Variants in ARID1B observed in about 807,000 individuals in gnomAD.
The protein encoded by ARID1B is AT-rich interaction domain 1B.
In ARID1B, 30 loss-of-function variants were observed where a neutral mutation model predicts 212.3. The observed-to-expected ratio is 0.14, with a 90% confidence interval of 0.11 to 0.19. The LOEUF is 0.19. Ranked by LOEUF, ARID1B falls within the 10% of genes least tolerant of loss-of-function variation. The pLI is 1.00. For missense variants in ARID1B, 2,891 were observed against 3,204.0 expected (o/e 0.90, Z 2.36); for synonymous variants, 1,402 against 1,301.7 (o/e 1.08, Z -1.66).
At chr6:157,085,429 A>C (rs1354315387) in intron 5 of ARID1B, among the ~76,000 whole-genome samples, 1 of 152,192 alleles carries the variant, frequency 6.6e-6, no homozygotes, top group Non-Finnish European at 1.5e-5. Context: ...TCTTGGACAC[A>C]AGGAGCCCAT....
rs1185500375 is a variant in ARID1B at position 157,094,272 on chromosome 6, C to T, written c.2491+9367C>T. Among the ~76,000 whole-genome samples, 4 of 152,084 alleles carry T rather than the reference C, an allele frequency of 2.6e-5. No homozygotes were observed. The highest frequency in any genetic ancestry group is 2.1e-4 in the South Asian group (1 of 4,818). ...CAGTGTAGCCACAGCATAGTGGTCA[C>T]GGGCAATGGAGCAGAATGTGTGGGC... On this transcript the variant is annotated intron_variant, in intron 5 of 19. Transcript: ENST00000636930. The surrounding 1 kb of genome is among the most constrained non-coding windows in gnomAD (Gnocchi z 4.3).
chr6:157,085,363 A>G (rs1354267400), intron 5 of ARID1B, among the ~76,000 whole-genome samples: 1 of 152,174 alleles, frequency 6.6e-6, no homozygotes, highest in Non-Finnish European at 1.5e-5. Context: ...ACATGCAGGC[A>G]CTGGTCAAGG....
chr6:156,783,986 A>G (rs1354992829), intron 1 of ARID1B, among the ~76,000 whole-genome samples: 1 of 152,172 alleles, frequency 6.6e-6, no homozygotes. Flanking sequence ...GCATAAAATG[A>G]CAGATTTATG....
rs150702940 is a variant in ARID1B, at chr6:156,837,632, A to G, written c.1986+8211A>G. Among the ~76,000 whole-genome samples, 1,154 of 152,336 alleles carry G rather than the reference A, an allele frequency of 7.6e-3. 16 individuals carry two copies. The highest frequency in any genetic ancestry group is 0.026 in the African/African-American group (1,075 of 41,588). ...TACATGTAATAAATTTATTAAAGCT[A>G]TTTGCCCTTATTATAATTTTGAAAA... On this transcript the variant is annotated intron_variant, in intron 2 of 19. Coordinates refer to ENST00000636930, the MANE Select transcript of ARID1B (RefSeq NM_001374828.1).
intron 2 of ARID1B, among the ~76,000 whole-genome samples, chr6:156,845,809 G>C (rs930614123): frequency 6.6e-6 from 1 of 151,926 alleles, no homozygotes; most frequent in East Asian, 1.9e-4. Flanking sequence ...TATTTCATTT[G>C]TTCTTACTAT....
intron 5 of ARID1B, among the ~76,000 whole-genome samples, chr6:157,099,505 C>CG (rs1188047033): frequency 1.3e-5 from 2 of 151,968 alleles, no homozygotes; most frequent in Admixed American, 6.6e-5. Context: ...AGGACCCATG[C>CG]GAAAAACATT....
At chr6:157,020,022 GATAA>G (rs1414759388) in intron 4 of ARID1B, among the ~76,000 whole-genome samples, 1 of 152,004 alleles carries the variant, frequency 6.6e-6, no homozygotes, top group Admixed American at 6.5e-5. Flanking sequence ...TTTTAGCAAA[GATAA>G]ATAAAAAGTG....
At chr6:156,849,833 G>T (rs1272445663) in intron 2 of ARID1B, among the ~76,000 whole-genome samples, 1 of 151,990 alleles carries the variant, frequency 6.6e-6, no homozygotes, top group Non-Finnish European at 1.5e-5. Flanking sequence ...CGTGTCATTG[G>T]CCCTGACACT....
chr6:157,089,660 G>A (rs1785158933), intron 5 of ARID1B, among the ~76,000 whole-genome samples: 1 of 152,112 alleles, frequency 6.6e-6, no homozygotes, highest in African/African-American at 2.4e-5. Flanking sequence ...TCTCCCTCCA[G>A]TGCCATCACA....
chr6:157,207,901 G>C lies in ARID1B; in HGVS notation c.*10G>C. 6.8e-7 allele frequency: 1 copy of C among 1,478,980 alleles called. No homozygotes were observed. The highest frequency in any genetic ancestry group is 9.0e-7 in the Non-Finnish European group (1 of 1,111,494). 91.6% of individuals were successfully genotyped at this position (1,478,980 alleles called of 1,614,324 possible). On this transcript the variant is annotated 3_prime_UTR_variant, in exon 20 of 20. Transcript: ENST00000636930. This position sits in a 1 kb window ranked among gnomAD's most constrained non-coding sequence, Gnocchi z 8.5. Reference sequence around the variant, plus strand: ...GATTGGGCAGTTATGACATAAGTGAGAAGGCAAGCATGTGTGAGTGAAGAT... The same window carrying C: ...GATTGGGCAGTTATGACATAAGTGACAAGGCAAGCATGTGTGAGTGAAGAT...
At chr6:156,980,506 A>AAAC (rs1201937435) in intron 4 of ARID1B, among the ~76,000 whole-genome samples, 12 of 151,992 alleles carry the variant, frequency 7.9e-5, no homozygotes, top group Non-Finnish European at 1.6e-4. Context: ...AAACAAAACA[A>AAAC]AATAAGAATC....
intron 2 of ARID1B, among the ~76,000 whole-genome samples, chr6:156,867,004 C>T (rs768778231): frequency 6.6e-4 from 100 of 152,172 alleles, no homozygotes; most frequent in Non-Finnish European, 6.6e-4. Context: ...TGAATAGCTC[C>T]CTTTAACATG....
intron 4 of ARID1B, among the ~76,000 whole-genome samples, chr6:157,043,420 C>T (rs1260818266): frequency 6.6e-6 from 1 of 152,178 alleles, no homozygotes; most frequent in Non-Finnish European, 1.5e-5. Flanking sequence ...TTTGGAATTT[C>T]TCATCTGCCA....
rs138271876 is a variant in ARID1B at position 156,919,395 on chromosome 6, T to G, written c.2137-16071T>G. Among the ~76,000 whole-genome samples, 65 of 152,306 alleles carry G rather than the reference T, an allele frequency of 4.3e-4. 1 individual carries two copies. The East Asian group carries it at 0.012, about 28-fold the overall frequency. ...ACATATATTTTAAGTTTTTTTTTTC[T>G]TTCTAGTACCAGAATTAAAACCAGG... On this transcript the variant is annotated intron_variant, in intron 3 of 19. Coordinates refer to ENST00000636930, the MANE Select transcript of ARID1B (RefSeq NM_001374828.1).
chr6:157,070,380 A>T (rs913679817), intron 4 of ARID1B, among the ~76,000 whole-genome samples: 1 of 152,226 alleles, frequency 6.6e-6, no homozygotes, highest in Non-Finnish European at 1.5e-5. Flanking sequence ...AAATATCAAC[A>T]TCTCTTCCTA....
rs1794641471 is a variant in ARID1B at position 157,208,847 on chromosome 6, AAAAG to A, written c.*964_*967del. ...TTTTCATTAGGGCCATATCTCCAAA[AAAAG>A]AAAGAAAAAATACAAAAAACAAAAA... is the stretch of plus-strand genomic sequence containing the variant. On this transcript the variant is annotated 3_prime_UTR_variant, in exon 20 of 20. Coordinates refer to ENST00000636930, the MANE Select transcript of ARID1B (RefSeq NM_001374828.1). 2 of 224,210 alleles carry A rather than the reference AAAAG, an allele frequency of 8.9e-6. No individual in the cohort carries two copies. The highest frequency in any genetic ancestry group is 1.8e-5 in the Non-Finnish European group (2 of 113,276). The allele number at this position is 224,210 out of a possible 1,614,324, so 13.9% of individuals were successfully genotyped here. A position where few individuals can be genotyped will look rare whatever the true frequency, so the allele number is the denominator to read the frequency against.
chr6:156,778,894 G>T lies in ARID1B; in HGVS notation c.1214G>T (p.Gly405Val). Residue 405 changes from glycine (G) to valine (V), a missense_variant, in exon 1 of 20, where the codon GGA (glycine) becomes GTA (valine). By Grantham distance (109) the Gly-to-Val change is moderately radical (BLOSUM62 -3). Around this residue, in one of 7 missense-constraint regions of ARID1B, gnomAD observed 1,643 missense variants for 1,544.0 expected, o/e 1.06. Coordinates refer to ENST00000636930, the MANE Select transcript of ARID1B (RefSeq NM_001374828.1). ...GGGGGGGGSG[G>V]GGGGGGAGAG... ...GGCGGAGGAGGAGGAGGCAGCGGAG[G>T]AGGAGGAGGAGGAGGAGGAGCAGGA... 7.4e-7 allele frequency: 1 copy of T among 1,357,402 alleles called. No individual in the cohort carries two copies. The highest frequency in any genetic ancestry group is 3.7e-5 in the Admixed American group (1 of 27,014). 84.1% of individuals were successfully genotyped at this position (1,357,402 alleles called of 1,614,324 possible).
chr6:157,044,965 C>T (rs1782133430), intron 4 of ARID1B, among the ~76,000 whole-genome samples: 1 of 151,978 alleles, frequency 6.6e-6, no homozygotes, highest in Non-Finnish European at 1.5e-5. Flanking sequence ...AGCATAACAG[C>T]CATTTATATA....
chr6:156,803,541 A>G (rs1250330885), intron 1 of ARID1B, among the ~76,000 whole-genome samples: 1 of 151,096 alleles, frequency 6.6e-6, no homozygotes, highest in Non-Finnish European at 1.5e-5. Context: ...TTCGTTTTGC[A>G]TTTATGATTT....
Sources: gnomAD v4.1 joint callset for allele counts (sites outside exome capture counted in the v4.1 genomes callset) on GRCh38, gnomAD v4.1.1 for gene constraint, gnomAD v4.1.1 regional missense constraint, Gnocchi (gnomAD v3.1) non-coding constraint, MANE v1.5 for transcripts, NCBI Gene and HGNC (gene_info 2026-07-23, HGNC 2026-07-21) for gene names.